ANXA5: variants seen among roughly 807,000 people sequenced by gnomAD.
The protein encoded by ANXA5 is annexin A5.
ANXA5 carries 40 observed loss-of-function variants against 48.1 expected under a neutral mutation model. The ratio of observed to expected loss-of-function variants is 0.83; its 90% CI spans 0.65 to 1.08. The LOEUF (loss-of-function observed/expected upper bound fraction) is 1.08. Ranked by LOEUF, ANXA5 falls within the 50% of genes least tolerant of loss-of-function variation. The pLI, the probability that ANXA5 is intolerant of heterozygous loss-of-function variation, is 0.00. For synonymous variants in ANXA5, 113 were observed against 129.1 expected (o/e 0.88, Z 0.85); for missense variants, 357 against 376.8 (o/e 0.95, Z 0.44).
chr4:121,669,795 G>T, intron 11 of ANXA5, 71 bp from the exon 12 acceptor site: 1 of 1,551,668 alleles, frequency 6.4e-7, no homozygotes, highest in Non-Finnish European at 8.7e-7. Flanking sequence ...ATGCTCCCGG[G>T]TGCGGGTGAA....
chr4:121,690,961 T>C (rs549085237), intron 2 of ANXA5, among the ~76,000 whole-genome samples: 2 of 152,308 alleles, frequency 1.3e-5, no homozygotes, highest in Non-Finnish European at 2.9e-5. Flanking sequence ...GGACATCCTG[T>C]GCAAACCCCA....
chr4:121,681,151 A>T, intron 6 of ANXA5, among the ~76,000 whole-genome samples: 1 of 152,350 alleles, frequency 6.6e-6, no homozygotes, highest in South Asian at 2.1e-4. Flanking sequence ...TTCTGTTCAT[A>T]TAAAAGACAC....
chr4:121,694,116 GA>G (rs59444177), intron 2 of ANXA5, among the ~76,000 whole-genome samples: 13 of 46,468 alleles, frequency 2.8e-4, no homozygotes, highest in African/African-American at 4.5e-4. Context: ...GGGGAGGGGG[GA>G]GGGATAGCAT....
At chr4:121,686,018 A>C (rs933124664) in intron 3 of ANXA5, among the ~76,000 whole-genome samples, 4 of 125,888 alleles carry the variant, frequency 3.2e-5, no homozygotes, top group Admixed American at 9.8e-5. Context: ...AAACATTATG[A>C]AATTTTTTTG....
At chr4:121,694,134 A>G (rs1725037140) in intron 2 of ANXA5, among the ~76,000 whole-genome samples, 1 of 149,850 alleles carries the variant, frequency 6.7e-6, no homozygotes. Flanking sequence ...GCATTAGGAG[A>G]TACAGCTAAT....
chr4:121,688,153 G>A (rs72676894), intron 2 of ANXA5, among the ~76,000 whole-genome samples: 18,177 of 152,108 alleles, frequency 0.12, 1,110 homozygotes, highest in South Asian at 0.16. Context: ...ATAATGTCTA[G>A]AAGAGAGCCC....
At chr4:121,671,679 G>C (rs747861614) in intron 9 of ANXA5, 37 bp from the exon 10 acceptor site, 1 of 1,361,158 alleles carries the variant, frequency 7.3e-7, no homozygotes, top group South Asian at 1.2e-5. Flanking sequence ...ATCATGTAGG[G>C]ATCACTCTTT....
intron 2 of ANXA5, among the ~76,000 whole-genome samples, chr4:121,690,477 T>G (rs1250545672): frequency 1.3e-5 from 2 of 152,088 alleles, no homozygotes; most frequent in Non-Finnish European, 2.9e-5. Context: ...TTTGGTGGTG[T>G]TTAACAGTCT....
chr4:121,692,880 A>C (rs1052987707), intron 2 of ANXA5, among the ~76,000 whole-genome samples: 3 of 152,258 alleles, frequency 2.0e-5, no homozygotes, highest in Non-Finnish European at 4.4e-5. Flanking sequence ...GCACATAGTG[A>C]AAATGCAAAA....
chr4:121,696,728 G>T, intron 1 of ANXA5, 104 bp from the exon 2 acceptor site: 1 of 704,652 alleles, frequency 1.4e-6, no homozygotes, highest in Non-Finnish European at 2.0e-6. Flanking sequence ...AGCCCGGAGG[G>T]CCCCGCCACG....
At chr4:121,670,108 C>T (rs1724589022) in intron 10 of ANXA5, 96 bp from the exon 11 acceptor site, 2 of 855,832 alleles carry the variant, frequency 2.3e-6, no homozygotes, top group African/African-American at 1.8e-5. Flanking sequence ...TATAGCTCTA[C>T]TTCTATAAAA....
chr4:121,696,922 G>C lies in ANXA5; in HGVS notation c.-95C>G, dbSNP rs370163990. The C allele has an allele frequency of 4.0e-6, 1 of 247,950 alleles. No homozygotes were observed. The highest frequency in any genetic ancestry group is 5.6e-5 in the Admixed American group (1 of 17,960). 15.4% of individuals were successfully genotyped at this position (247,950 alleles called of 1,614,324 possible). A position where few individuals can be genotyped will look rare whatever the true frequency, so the allele number is the denominator to read the frequency against. ...GGAGAGCGGCGGAGAGCCGGGCGAC[G>C]GTACGCGGGGCGACGCCGAGATGCA... On this transcript the variant is annotated 5_prime_UTR_variant, in exon 1 of 13. Transcript: ENST00000296511.
intron 5 of ANXA5, among the ~76,000 whole-genome samples, chr4:121,682,307 TGGGACTTGCTTTC>T (rs1724807336): frequency 6.6e-6 from 1 of 152,162 alleles, no homozygotes; most frequent in African/African-American, 2.4e-5. Flanking sequence ...ATAAAGGAAT[TGGGACTTGCTTTC>T]TGGATTTTTG....
At chr4:121,689,273 T>C (rs1284435754) in intron 2 of ANXA5, among the ~76,000 whole-genome samples, 1 of 152,208 alleles carries the variant, frequency 6.6e-6, no homozygotes, top group African/African-American at 2.4e-5. Context: ...TGTGAGAACT[T>C]AGGACTGAAT....
chr4:121,684,482 T>G (rs1182683698), intron 4 of ANXA5, among the ~76,000 whole-genome samples, 195 bp downstream of exon 4: 1 of 152,126 alleles, frequency 6.6e-6, no homozygotes, highest in Non-Finnish European at 1.5e-5. Context: ...GGAAAAACAA[T>G]TATGTGAGGA....
At chr4:121,695,858 C>T (rs1348712450) in intron 2 of ANXA5, among the ~76,000 whole-genome samples, 2 of 150,772 alleles carry the variant, frequency 1.3e-5, no homozygotes, top group East Asian at 3.9e-4. Context: ...GAGATCACTA[C>T]GTCACTGGAC....
chr4:121,686,029 C>CTTTTTTTTT (rs60663589), intron 3 of ANXA5, among the ~76,000 whole-genome samples: 1 of 140,372 alleles, frequency 7.1e-6, no homozygotes. Flanking sequence ...AATTTTTTTG[C>CTTTTTTTTT]TTTTTTTTTT....
At chr4:121,688,625 C>CT (rs1724932177) in intron 2 of ANXA5, among the ~76,000 whole-genome samples, 1 of 152,218 alleles carries the variant, frequency 6.6e-6, no homozygotes, top group East Asian at 1.9e-4. Context: ...ACACACTGTT[C>CT]TTTCCTCGGA....
intron 5 of ANXA5, among the ~76,000 whole-genome samples, chr4:121,682,038 T>C (rs748464153): frequency 6.6e-6 from 1 of 152,198 alleles, no homozygotes; most frequent in Non-Finnish European, 1.5e-5. Context: ...GTTACATAAA[T>C]TTGTAACTTT....
Sources: gnomAD v4.1 joint callset for allele counts (sites outside exome capture counted in the v4.1 genomes callset) on GRCh38, gnomAD v4.1.1 for gene constraint, MANE v1.5 for transcripts, NCBI Gene and HGNC (gene_info 2026-07-23, HGNC 2026-07-21) for gene names.